USP15: variants seen among roughly 807,000 people sequenced by gnomAD.
USP15 encodes ubiquitin carboxyl-terminal hydrolase 15.
USP15 carries 18 observed loss-of-function variants against 127.1 expected under a neutral mutation model. The ratio of observed to expected loss-of-function variants is 0.14; its 90% CI spans 0.10 to 0.21. The LOEUF (loss-of-function observed/expected upper bound fraction) is 0.21. Among genes scored for constraint, USP15 ranks in the 10% least tolerant of loss-of-function variants. The pLI, the probability that USP15 is intolerant of heterozygous loss-of-function variation, is 1.00. For synonymous variants in USP15, 364 were observed against 393.7 expected (o/e 0.92, Z 0.89); for missense variants, 805 against 1,159.9 (o/e 0.69, Z 4.44).
chr12:62,310,244 G>T (rs2064622869), intron 3 of USP15, among the ~76,000 whole-genome samples: 1 of 151,654 alleles, frequency 6.6e-6, no homozygotes, highest in South Asian at 2.1e-4. Flanking sequence ...ATGAAGTCAG[G>T]GTATTTTGGG....
At chr12:62,285,476 G>C (rs1592497356) in intron 1 of USP15, among the ~76,000 whole-genome samples, 1 of 150,800 alleles carries the variant, frequency 6.6e-6, no homozygotes, top group African/African-American at 2.5e-5. Context: ...CTTTGTGTTT[G>C]TGTATGTGTG....
At chr12:62,287,194 G>A (rs77810834) in intron 1 of USP15, among the ~76,000 whole-genome samples, 6,193 of 151,788 alleles carry the variant, frequency 0.041, 167 homozygotes, top group African/African-American at 0.058. Context: ...GGGGAGTAGC[G>A]GTTGGAAAAA....
Position 62,389,954 on chromosome 12 carries a change from G to C in USP15, c.1810G>C (p.Asp604His). 6.2e-7 allele frequency: 1 copy of C among 1,611,608 alleles called. No individual in the cohort carries two copies. The highest frequency in any genetic ancestry group is 8.5e-7 in the Non-Finnish European group (1 of 1,178,902). The change falls in exon 14 of 22, where the codon GAC becomes CAC. Residue 604 changes from aspartate to histidine, a missense_variant. By Grantham distance (81) the Asp-to-His change is moderately conservative. Around this residue, in one of 11 missense-constraint regions of USP15, gnomAD observed 225 missense variants for 239.5 expected, o/e 0.94. Transcript: ENST00000280377. Reference sequence around the variant, plus strand: ...GGCTGTACCACGAAACAATACTGAAGACAAACTTTATAATCTCCTGCTCTT... The same window carrying C: ...GGCTGTACCACGAAACAATACTGAACACAAACTTTATAATCTCCTGCTCTT... The part of the protein sequence containing the change: ...LMAVPRNNTE[D>H]KLYNLLLLRM...
intron 2 of USP15, among the ~76,000 whole-genome samples, chr12:62,296,174 TAAC>T: frequency 6.6e-6 from 1 of 152,158 alleles, no homozygotes; most frequent in South Asian, 2.1e-4. Flanking sequence ...CAACCATGAG[TAAC>T]TGAATTCTGC....
intron 8 of USP15, among the ~76,000 whole-genome samples, chr12:62,360,579 T>C (rs1481379679): frequency 6.6e-6 from 1 of 152,084 alleles, no homozygotes; most frequent in African/African-American, 2.4e-5. Context: ...GACTTTCTTT[T>C]TGCATTTATT....
intron 3 of USP15, among the ~76,000 whole-genome samples, chr12:62,310,658 C>T (rs2064645684): frequency 6.6e-6 from 1 of 151,894 alleles, no homozygotes; most frequent in Admixed American, 6.6e-5. Context: ...GGTTCCATAT[C>T]TTGCTATTGT....
At position 62,389,719 on chromosome 12, in the gene USP15, T is replaced by C. The variant is rs747582221; in HGVS notation, c.1652+20T>C. On this transcript the variant is annotated intron_variant, in intron 13 of 21. Coordinates refer to ENST00000280377, the MANE Select transcript of USP15 (RefSeq NM_001252078.2). ...TTATGTGTAAGTATAAAACTCATTG[T>C]GCAAAATATTACTTGAAAAAAAATT... 5 of 1,601,172 alleles carry C rather than the reference T, an allele frequency of 3.1e-6. No individual in the cohort carries two copies. Among genetic ancestry groups the C allele is most frequent in the Non-Finnish European group, 4.3e-6 (5 of 1,173,288 alleles).
At chr12:62,325,541 A>G (rs1022597036) in intron 5 of USP15, among the ~76,000 whole-genome samples, 4 of 152,104 alleles carry the variant, frequency 2.6e-5, no homozygotes, top group Non-Finnish European at 4.4e-5. Context: ...TACAAATACA[A>G]ATAGAAAATA....
At chr12:62,401,838 C>T (rs1463466977) in intron 21 of USP15, among the ~76,000 whole-genome samples, 1 of 149,790 alleles carries the variant, frequency 6.7e-6, no homozygotes, top group South Asian at 2.1e-4. Flanking sequence ...TATCATCCAC[C>T]GCTGACTCTC....
intron 8 of USP15, among the ~76,000 whole-genome samples, chr12:62,365,963 G>A (rs1002767683): frequency 2.0e-5 from 3 of 152,192 alleles, no homozygotes; most frequent in East Asian, 3.8e-4. Flanking sequence ...TAGCCTTGTA[G>A]TATAGTTTCA....
intron 9 of USP15, among the ~76,000 whole-genome samples, chr12:62,383,124 C>T (rs144240267): frequency 2.9e-4 from 44 of 151,898 alleles, no homozygotes; most frequent in Admixed American, 1.3e-3. Flanking sequence ...CATATATATT[C>T]CTGTTGTTCG....
chr12:62,384,026 T>C (rs1592708581), intron 10 of USP15, 28 bp downstream of exon 10: 8 of 1,610,332 alleles, frequency 5.0e-6, no homozygotes, highest in Non-Finnish European at 5.9e-6. Flanking sequence ...ATTGTCACCA[T>C]TGTTATAATT....
intron 1 of USP15, among the ~76,000 whole-genome samples, chr12:62,289,810 C>G (rs1051025860): frequency 2.0e-5 from 3 of 150,650 alleles, no homozygotes; most frequent in African/African-American, 7.3e-5. Flanking sequence ...TGTTGTATCT[C>G]CTTTTTCATT....
At chr12:62,323,164 T>C (rs2065033184) in intron 5 of USP15, among the ~76,000 whole-genome samples, 1 of 152,156 alleles carries the variant, frequency 6.6e-6, no homozygotes, top group South Asian at 2.1e-4. Flanking sequence ...TTCCTTAACT[T>C]CCACAAAGAT....
rs1461614629 is a variant in USP15, at chr12:62,343,470, C to T, written c.684-5751C>T. 2.6e-5 allele frequency among the ~76,000 whole-genome samples: 4 copies of T among 152,190 alleles called. No individual in the cohort carries two copies. The East Asian group carries it at 7.7e-4, about 29-fold the overall frequency. On this transcript the variant is annotated intron_variant, in intron 6 of 21. Coordinates refer to ENST00000280377, the MANE Select transcript of USP15 (RefSeq NM_001252078.2). ...CACCACTGTAGTTACGAGAAAAACTCCTACAGCTAGCTCAGTGCCTGCCCA... is the reference window on the plus strand; with the variant it reads ...CACCACTGTAGTTACGAGAAAAACTTCTACAGCTAGCTCAGTGCCTGCCCA...
At chr12:62,294,154 T>G in intron 1 of USP15, 25 bp from the exon 2 acceptor site, 4 of 1,607,852 alleles carry the variant, frequency 2.5e-6, no homozygotes, top group Non-Finnish European at 1.7e-6. Flanking sequence ...GGTATTTTCC[T>G]TAACCAATTT....
intron 1 of USP15, among the ~76,000 whole-genome samples, chr12:62,286,052 A>G (rs2063774728): frequency 6.6e-6 from 1 of 152,058 alleles, no homozygotes; most frequent in Admixed American, 6.5e-5. Context: ...TTTTTTTCAT[A>G]TGTTGACCAT....
chr12:62,294,330 A>C (rs2064065806), intron 2 of USP15, 24 bp downstream of exon 2: 23 of 1,600,672 alleles, frequency 1.4e-5, no homozygotes, highest in Non-Finnish European at 1.9e-5. Context: ...TCCTTCAGTC[A>C]AGTTGTAAAT....
intron 8 of USP15, 132 bp from the exon 9 acceptor site, chr12:62,381,358 A>T: frequency 1.5e-6 from 1 of 666,592 alleles, no homozygotes; most frequent in Non-Finnish European, 2.3e-6. Context: ...ACCAGTTATT[A>T]GTGCAAGAAA....
Sources: gnomAD v4.1 joint callset for allele counts (sites outside exome capture counted in the v4.1 genomes callset) on GRCh38, gnomAD v4.1.1 for gene constraint, gnomAD v4.1.1 regional missense constraint, MANE v1.5 for transcripts, NCBI Gene and HGNC (gene_info 2026-07-23, HGNC 2026-07-21) for gene names.